The following DLGAP2 variants were observed in gnomAD, a reference collection of about 807,000 sequenced individuals.
DLGAP2 encodes the protein disks large-associated protein 2.
A neutral mutation model predicts 100.3 loss-of-function variants in DLGAP2; 26 were observed. That is an observed-to-expected ratio of 0.26 (90% CI 0.19 to 0.36). The LOEUF is 0.36. Among genes scored for constraint, DLGAP2 ranks in the 10% least tolerant of loss-of-function variants. DLGAP2 has a pLI of 1.00. For missense variants in DLGAP2, 1,858 were observed against 1,453.2 expected (o/e 1.28, Z -4.53); for synonymous variants, 886 against 630.1 (o/e 1.41, Z -6.08).
At chr8:1,614,777 T>C (rs2130740405) in intron 6 of DLGAP2, among the ~76,000 whole-genome samples, 1 of 152,312 alleles carries the variant, frequency 6.6e-6, no homozygotes, top group South Asian at 2.1e-4. Context: ...TAATAACTTA[T>C]ATTGAAGAAA....
At chr8:1,091,375 G>T (rs539803160) in intron 2 of DLGAP2, among the ~76,000 whole-genome samples, 1 of 152,370 alleles carries the variant, frequency 6.6e-6, no homozygotes, top group African/African-American at 2.4e-5. Flanking sequence ...CATGGGGGAG[G>T]CCAGTGTTTC....
chr8:1,331,360 G>C (rs1801153857), intron 3 of DLGAP2, among the ~76,000 whole-genome samples: 1 of 152,138 alleles, frequency 6.6e-6, no homozygotes, highest in Non-Finnish European at 1.5e-5. Context: ...GCCCAGGGTG[G>C]GCTAGTGGGC....
chr8:1,588,791 A>G (rs1397128576), intron 6 of DLGAP2, among the ~76,000 whole-genome samples: 1 of 151,352 alleles, frequency 6.6e-6, no homozygotes, highest in African/African-American at 2.4e-5. Context: ...GCATGGTAGT[A>G]CATGCCTGTA....
chr8:1,182,277 A>G (rs1335595685), intron 2 of DLGAP2, among the ~76,000 whole-genome samples: 1 of 152,252 alleles, frequency 6.6e-6, no homozygotes, highest in Admixed American at 6.5e-5. Flanking sequence ...CAAATGGAGA[A>G]AAGGGCAAAG....
chr8:1,337,111 GATA>G (rs199565054), intron 3 of DLGAP2, among the ~76,000 whole-genome samples: 1,534 of 152,116 alleles, frequency 0.01, 8 homozygotes, highest in Non-Finnish European at 0.015. Context: ...AGAAGAAATA[GATA>G]ATGATGATGA....
intron 3 of DLGAP2, among the ~76,000 whole-genome samples, chr8:1,407,321 T>C (rs544126655): frequency 3.6e-4 from 11 of 30,430 alleles, no homozygotes; most frequent in South Asian, 2.1e-3. Context: ...TACTGAGCGC[T>C]CCCTCCTTGT....
At chr8:1,011,041 G>T (rs1283038641) in intron 2 of DLGAP2, among the ~76,000 whole-genome samples, 1 of 151,382 alleles carries the variant, frequency 6.6e-6, no homozygotes, top group East Asian at 2.0e-4. Flanking sequence ...GCCTCAGTCT[G>T]CATGGTGATT....
chr8:1,599,066 G>C lies in DLGAP2; in HGVS notation c.1443-27674G>C, dbSNP rs547822047. On this transcript the variant is annotated intron_variant, in intron 6 of 14. Transcript: ENST00000637795. ...TGTCCCAGAGATTCTGGTATGTTGT[G>C]TCTTTGTTATTGTTGGTTCCAAAGA... Among the ~76,000 whole-genome samples the C allele has an allele frequency of 2.6e-5, 4 of 152,310 alleles. No homozygotes were observed. In the South Asian group the frequency reaches 6.2e-4, roughly 24 times the overall value.
At chr8:1,228,221 G>C (rs1195129448) in intron 2 of DLGAP2, among the ~76,000 whole-genome samples, 4 of 151,714 alleles carry the variant, frequency 2.6e-5, no homozygotes, top group Non-Finnish European at 5.9e-5. Flanking sequence ...AGAACTTAAA[G>C]TATAATAAAA....
intron 2 of DLGAP2, among the ~76,000 whole-genome samples, chr8:1,233,521 GC>G (rs2116838816): frequency 6.6e-6 from 1 of 152,330 alleles, no homozygotes; most frequent in South Asian, 2.1e-4. Flanking sequence ...CGCAGCTGGA[GC>G]CCTGTGATGT....
intron 4 of DLGAP2, among the ~76,000 whole-genome samples, chr8:1,525,268 T>C (rs147630971): frequency 3.5e-4 from 53 of 151,342 alleles, no homozygotes; most frequent in African/African-American, 1.2e-3. Flanking sequence ...AAGTCATGAG[T>C]TCAAAATTCA....
chr8:1,332,751 G>C (rs1214691799), intron 3 of DLGAP2, among the ~76,000 whole-genome samples: 1 of 152,188 alleles, frequency 6.6e-6, no homozygotes, highest in East Asian at 1.9e-4. Flanking sequence ...CCCCAGACCT[G>C]GAAAAGCCAT....
intron 1 of DLGAP2, among the ~76,000 whole-genome samples, chr8:868,427 C>T (rs537899358): frequency 1.3e-4 from 20 of 152,312 alleles, no homozygotes; most frequent in African/African-American, 3.9e-4. Flanking sequence ...TCATCTTACA[C>T]GACACTCACA....
chr8:1,557,256 T>A (rs1801996812), intron 5 of DLGAP2, among the ~76,000 whole-genome samples: 1 of 152,142 alleles, frequency 6.6e-6, no homozygotes, highest in Admixed American at 6.5e-5. Flanking sequence ...GACAGACGCG[T>A]GGAACCTTCT....
intron 2 of DLGAP2, among the ~76,000 whole-genome samples, chr8:1,151,148 T>C (rs1371107744): frequency 6.6e-6 from 1 of 152,216 alleles, no homozygotes; most frequent in Admixed American, 6.5e-5. Flanking sequence ...TGGATGCGTT[T>C]TTATTCACTT....
At chr8:766,627 T>C (rs935278614) in intron 1 of DLGAP2, among the ~76,000 whole-genome samples, 2 of 152,164 alleles carry the variant, frequency 1.3e-5, no homozygotes, top group Admixed American at 1.3e-4. Context: ...ACATGCATGA[T>C]ACTTGGAGTG....
chr8:1,600,559 CTTTG>C (rs1796593428), intron 6 of DLGAP2, among the ~76,000 whole-genome samples: 1 of 152,084 alleles, frequency 6.6e-6, no homozygotes, highest in Non-Finnish European at 1.5e-5. Context: ...TTCTTGGAGG[CTTTG>C]TTTGTTCCTT....
intron 4 of DLGAP2, among the ~76,000 whole-genome samples, chr8:1,533,158 C>T (rs1046524549): frequency 1.6e-4 from 24 of 150,684 alleles, no homozygotes; most frequent in East Asian, 3.9e-4. Context: ...AAAAGATTAA[C>T]GGCATAAATC....
intron 2 of DLGAP2, among the ~76,000 whole-genome samples, chr8:965,689 C>CCG (rs1799847921): frequency 6.9e-6 from 1 of 144,054 alleles, no homozygotes; most frequent in Non-Finnish European, 1.5e-5. Flanking sequence ...GCACTGTTCA[C>CCG]CTCACACGGC....
Sources: allele counts gnomAD v4.1 joint callset (sites outside exome capture counted in the v4.1 genomes callset), GRCh38; gene constraint gnomAD v4.1.1; transcripts MANE v1.5; gene names NCBI Gene and HGNC (gene_info 2026-07-23, HGNC 2026-07-21).